Variants in DMXL2 observed in about 807,000 individuals in gnomAD.
DMXL2 encodes dmX-like protein 2.
A neutral mutation model predicts 331.1 loss-of-function variants in DMXL2; 103 were observed. That is an observed-to-expected ratio of 0.31 (90% CI 0.27 to 0.37). The LOEUF is 0.37. Ranked by LOEUF, DMXL2 falls within the 10% of genes least tolerant of loss-of-function variation. The pLI is 1.00. For synonymous variants in DMXL2, 1,281 were observed against 1,252.1 expected (o/e 1.02, Z -0.49); for missense variants, 3,171 against 3,642.9 (o/e 0.87, Z 3.33).
chr15:51,573,048 G>C (rs2050778330), intron 2 of DMXL2, among the ~76,000 whole-genome samples: 1 of 152,070 alleles, frequency 6.6e-6, no homozygotes, highest in South Asian at 2.1e-4. Context: ...CATTGTCTCA[G>C]CCCAAAATCT....
chr15:51,570,187 G>A (rs1388841484), intron 2 of DMXL2, among the ~76,000 whole-genome samples: 1 of 151,970 alleles, frequency 6.6e-6, no homozygotes, highest in African/African-American at 2.4e-5. Flanking sequence ...CAGAAGAAAA[G>A]ATATCAGAGA....
At chr15:51,592,166 GA>G (rs1011443200) in intron 1 of DMXL2, among the ~76,000 whole-genome samples, 35 of 148,450 alleles carry the variant, frequency 2.4e-4, no homozygotes, top group Middle Eastern at 6.8e-3. Context: ...TAAAAACCTT[GA>G]AAAAAAAAAT....
intron 13 of DMXL2, among the ~76,000 whole-genome samples, chr15:51,524,568 G>A (rs553732403): frequency 1.6e-4 from 25 of 152,242 alleles, no homozygotes; most frequent in South Asian, 4.2e-4. Context: ...CAGCAGCAGC[G>A]TGGTGCTGAG....
At chr15:51,588,950 T>G (rs2052076427) in intron 1 of DMXL2, among the ~76,000 whole-genome samples, 1 of 152,204 alleles carries the variant, frequency 6.6e-6, no homozygotes, top group Non-Finnish European at 1.5e-5. Flanking sequence ...TCCAAAAGAT[T>G]AAATAATCCA....
intron 1 of DMXL2, among the ~76,000 whole-genome samples, chr15:51,601,556 T>C (rs1204588119): frequency 6.6e-6 from 1 of 152,170 alleles, no homozygotes; most frequent in Non-Finnish European, 1.5e-5. Flanking sequence ...ACCATGCCAA[T>C]TGTGATATAA....
Position 51,538,436 on chromosome 15 carries a change from C to G in DMXL2, c.1122G>C (p.Leu374Phe). The change falls in exon 10 of 44, where the codon TTG becomes TTC. Residue 374 changes from leucine to phenylalanine, a missense_variant. Physicochemically the swap from Leu to Phe is conservative, Grantham distance 22. Coordinates refer to ENST00000560891, the MANE Select transcript of DMXL2 (RefSeq NM_001378457.1). ...INPATDIPNV[L>F]VGTAFNVDDG... ...CATCAACATTAAATGCAGTGCCAAC[C>G]AAGACATTTGGAATATCTGTGGAAA... The G allele has an allele frequency of 3.7e-6, 6 of 1,603,542 alleles. No homozygotes were observed. The highest frequency in any genetic ancestry group is 5.1e-6 in the Non-Finnish European group (6 of 1,174,214).
chr15:51,517,501 T>C (rs1313723989), intron 13 of DMXL2, among the ~76,000 whole-genome samples: 1 of 152,162 alleles, frequency 6.6e-6, no homozygotes, highest in Non-Finnish European at 1.5e-5. Context: ...CATTTAAAAG[T>C]ACAACCCTGC....
chr15:51,488,839 A>G (rs1205007357), intron 20 of DMXL2, among the ~76,000 whole-genome samples, 194 bp from the exon 21 acceptor site: 1 of 152,206 alleles, frequency 6.6e-6, no homozygotes, highest in Non-Finnish European at 1.5e-5. Flanking sequence ...GCAAGCCAGT[A>G]ATTATGGTAA....
In DMXL2 at chr15:51,536,276, G is replaced by A; in HGVS notation, c.2204C>T (p.Pro735Leu). 1 of 1,613,972 alleles carries A rather than the reference G, an allele frequency of 6.2e-7. No homozygotes were observed. Among genetic ancestry groups the A allele is most frequent in the Non-Finnish European group, 8.5e-7 (1 of 1,179,908 alleles). ...TGATACTCCTCCAGTGTATGACAAA[G>A]GTCCTATTGGGTCTACACGCCACAG... ...LILWRVDPIG[P>L]LSYTGGVSEL... The change falls in exon 12 of 44, where the codon CCT (proline) becomes CTT (leucine). Residue 735 changes from proline (P) to leucine (L), a missense_variant. This residue lies in a region of DMXL2 where 1,674 missense variants were observed against 1,780.2 expected (regional missense o/e 0.94). Coordinates refer to ENST00000560891, the MANE Select transcript of DMXL2 (RefSeq NM_001378457.1).
intron 19 of DMXL2, 123 bp from the exon 20 acceptor site, chr15:51,491,870 A>AAGGC: frequency 1.3e-6 from 1 of 782,608 alleles, no homozygotes; most frequent in Non-Finnish European, 1.9e-6. Flanking sequence ...GAAAGAATGA[A>AAGGC]AGGCAGTCTG....
intron 1 of DMXL2, among the ~76,000 whole-genome samples, chr15:51,610,289 C>T (rs987137945): frequency 6.6e-6 from 1 of 151,956 alleles, no homozygotes. Flanking sequence ...ATTAACAAAA[C>T]CACAAGATAG....
At chr15:51,498,221 C>T (rs2043321979) in intron 18 of DMXL2, among the ~76,000 whole-genome samples, 1 of 152,112 alleles carries the variant, frequency 6.6e-6, no homozygotes, top group Non-Finnish European at 1.5e-5. Context: ...GCTTGGGCAA[C>T]AGAGCAAGAC....
At chr15:51,461,865 C>G (rs1000304698) in intron 33 of DMXL2, among the ~76,000 whole-genome samples, 1 of 152,118 alleles carries the variant, frequency 6.6e-6, no homozygotes, top group Non-Finnish European at 1.5e-5. Flanking sequence ...AAATCACTAT[C>G]TTAGATTCCT....
rs375794032 is a variant in DMXL2, at chr15:51,465,588, A to G, written c.7584T>C (p.Pro2528=). 1.1e-5 allele frequency: 17 copies of G among 1,606,188 alleles called. No individual in the cohort carries two copies. Among genetic ancestry groups the G allele is most frequent in the African/African-American group, 1.3e-5 (1 of 74,408 alleles). ...LALHNVKNFF[P]IAGLEFSELP... is the part of the protein sequence containing the mutation. ...CACCAGAGAATTCCAGTCCAGCAAT[A>G]GGAAAGAAATTCTTGACATTGTGAA... The change falls in exon 31 of 44, where the codon CCT becomes CCC. Residue 2528 remains proline (P), a synonymous_variant. Transcript: ENST00000560891.
At chr15:51,610,105 A>C (rs1844215883) in intron 1 of DMXL2, among the ~76,000 whole-genome samples, 1 of 152,216 alleles carries the variant, frequency 6.6e-6, no homozygotes, top group Non-Finnish European at 1.5e-5. Context: ...TAAAAAGATA[A>C]GACTGTACAA....
In DMXL2 at chr15:51,486,438, A is replaced by C; in HGVS notation, c.5218-101T>G. On this transcript the variant is annotated intron_variant, in intron 22 of 43. Coordinates refer to ENST00000560891, the MANE Select transcript of DMXL2 (RefSeq NM_001378457.1). ...TGAAATTATCTACCATTTATATCCT[A>C]ATGGTGGGCGAAGGGACAGTGAAGG... 31 of 917,198 alleles carry C rather than the reference A, an allele frequency of 3.4e-5. 1 individual carries two copies. In the South Asian group the frequency reaches 5.0e-4, roughly 15 times the overall value. The allele number at this position is 917,198 out of a possible 1,614,324, so 56.8% of individuals were successfully genotyped here.
intron 1 of DMXL2, among the ~76,000 whole-genome samples, chr15:51,578,903 G>A (rs575619118): frequency 6.6e-6 from 1 of 152,200 alleles, no homozygotes; most frequent in South Asian, 2.1e-4. Flanking sequence ...CTAGGAGTTC[G>A]AGAATAGCCT....
In DMXL2 at chr15:51,499,324, G is replaced by C; in HGVS notation, c.3900C>G (p.Thr1300=). The C allele has an allele frequency of 6.2e-7, 1 of 1,613,930 alleles. No homozygotes were observed. The highest frequency in any genetic ancestry group is 8.5e-7 in the Non-Finnish European group (1 of 1,180,010). The part of the protein sequence containing the change: ...AEEAAMQDHS[T]FKSNMLARKS... Reference sequence around the variant, plus strand: ...TTCTTGCCAGCATATTAGATTTAAAGGTCGAATGATCTTGCATTGCTGCCT... The same window carrying C: ...TTCTTGCCAGCATATTAGATTTAAACGTCGAATGATCTTGCATTGCTGCCT... Residue 1300 remains threonine (T), a synonymous_variant, in exon 18 of 44, where the codon ACC becomes ACG. Coordinates refer to ENST00000560891, the MANE Select transcript of DMXL2 (RefSeq NM_001378457.1).
intron 1 of DMXL2, among the ~76,000 whole-genome samples, chr15:51,592,360 T>A (rs183464756): frequency 4.1e-4 from 62 of 151,938 alleles, no homozygotes; most frequent in African/African-American, 1.4e-3. Flanking sequence ...GAAGAGAAGT[T>A]AAGAGAAAAA....
Sources: allele counts gnomAD v4.1 joint callset (sites outside exome capture counted in the v4.1 genomes callset), GRCh38; gene constraint gnomAD v4.1.1; regional missense constraint gnomAD v4.1.1; transcripts MANE v1.5; gene names NCBI Gene and HGNC (gene_info 2026-07-23, HGNC 2026-07-21).